Variants in METTL24 observed in about 807,000 individuals in gnomAD.
The protein encoded by METTL24 is methyltransferase like 24.
A neutral mutation model predicts 32.7 loss-of-function variants in METTL24; 29 were observed. That is an observed-to-expected ratio of 0.89 (90% CI 0.66 to 1.21). METTL24 has a LOEUF of 1.21. Among genes scored for constraint, METTL24 ranks in the 50% most tolerant of loss-of-function variants. The probability of loss-of-function intolerance (pLI) is 0.00; values close to 1 mark genes in which losing one functional copy is unlikely to be tolerated. For missense variants in METTL24, 439 were observed against 468.1 expected (o/e 0.94, Z 0.57); for synonymous variants, 163 against 179.5 (o/e 0.91, Z 0.73).
At chr6:110,296,805 T>C (rs1006537504) in intron 4 of METTL24, among the ~76,000 whole-genome samples, 2 of 152,246 alleles carry the variant, frequency 1.3e-5, no homozygotes, top group African/African-American at 2.4e-5. Flanking sequence ...GCGTGTTTTT[T>C]ACTATTTGCT....
intron 1 of METTL24, among the ~76,000 whole-genome samples, chr6:110,349,695 C>G (rs973623163): frequency 3.3e-5 from 5 of 152,140 alleles, no homozygotes; most frequent in African/African-American, 4.8e-5. Flanking sequence ...TCACTTGGGC[C>G]CCGATCACCA....
intron 4 of METTL24, among the ~76,000 whole-genome samples, chr6:110,281,617 C>G (rs1771137512): frequency 6.6e-6 from 1 of 151,590 alleles, no homozygotes; most frequent in African/African-American, 2.4e-5. Flanking sequence ...CCACTGCACT[C>G]CAGCCTGAGC....
chr6:110,286,062 G>A (rs1196128832), intron 4 of METTL24, among the ~76,000 whole-genome samples: 1 of 152,110 alleles, frequency 6.6e-6, no homozygotes, highest in Non-Finnish European at 1.5e-5. Context: ...ACTAACACGT[G>A]CTCGTTTGCT....
intron 2 of METTL24, among the ~76,000 whole-genome samples, chr6:110,317,578 C>T (rs1219006157): frequency 1.3e-5 from 2 of 152,020 alleles, no homozygotes; most frequent in Non-Finnish European, 2.9e-5. Flanking sequence ...AAGCCAGAGC[C>T]ATCTGCTTGG....
Position 110,357,962 on chromosome 6 carries a change from C to CG in METTL24, c.310dup (p.Arg104ProfsTer23). The CG allele has an allele frequency of 8.4e-7, 1 of 1,188,072 alleles. No individual in the cohort carries two copies. Among genetic ancestry groups the CG allele is most frequent in the Non-Finnish European group, 1.0e-6 (1 of 958,676 alleles). The allele number at this position is 1,188,072 out of a possible 1,614,324, so 73.6% of individuals were successfully genotyped here. On this transcript the variant is annotated frameshift_variant, in exon 1 of 5. Transcript: ENST00000338882. LOFTEE classifies it high-confidence loss of function. Reference sequence around the variant, plus strand: ...GACCGCTTTGCAACTGACCTTCCGGCGGGGGCGCCCGCGCGGGGCACAGCA... The same window carrying CG: ...GACCGCTTTGCAACTGACCTTCCGGCGGGGGGCGCCCGCGCGGGGCACAGCA...
intron 4 of METTL24, among the ~76,000 whole-genome samples, chr6:110,250,889 T>C (rs566296695): frequency 5.3e-5 from 8 of 152,308 alleles, no homozygotes; most frequent in Admixed American, 5.2e-4. Context: ...CCCCCTCCCA[T>C]TCCCTATATG....
chr6:110,295,794 A>AAAGGAAGG (rs71018387), intron 4 of METTL24, among the ~76,000 whole-genome samples: 5,901 of 136,278 alleles, frequency 0.043, 301 homozygotes, highest in African/African-American at 0.1. Flanking sequence ...AGAAAGAAAG[A>AAAGGAAGG]AAGGAAGGAA....
chr6:110,297,022 C>T (rs997771405), intron 4 of METTL24, among the ~76,000 whole-genome samples: 1 of 152,076 alleles, frequency 6.6e-6, no homozygotes, highest in Non-Finnish European at 1.5e-5. Context: ...AAAAAAATCT[C>T]TATGGAAGAA....
rs200088786 is a variant in METTL24 at position 110,299,021 on chromosome 6, G to A, written c.687C>T (p.Ser229=). ...CTGGATGGGGATCCCGCCAGTCAAT[G>A]GACAAGCGGTGATACCAAAGGTGCT... ...ESQHLWYHRL[S]IDWRDPHPAV... is the part of the protein sequence containing the mutation. Residue 229 remains serine, a synonymous_variant, in exon 4 of 5, where the codon TCC becomes TCT. Transcript: ENST00000338882. 2.3e-4 allele frequency: 366 copies of A among 1,614,074 alleles called. No homozygotes were observed. The highest frequency in any genetic ancestry group is 6.6e-4 in the Middle Eastern group (4 of 6,084).
intron 4 of METTL24, among the ~76,000 whole-genome samples, chr6:110,298,350 T>C (rs1413365841): frequency 6.6e-6 from 1 of 152,248 alleles, no homozygotes; most frequent in Admixed American, 6.5e-5. Context: ...CCATTCATAA[T>C]AAAATGTTTG....
intron 2 of METTL24, 105 bp from the exon 3 acceptor site, chr6:110,315,586 A>T: frequency 1.6e-6 from 2 of 1,239,900 alleles, no homozygotes; most frequent in Non-Finnish European, 1.1e-6. Context: ...TAGGAAAGTT[A>T]TAATCTCCTC....
chr6:110,262,946 A>T (rs1770777193), intron 4 of METTL24, among the ~76,000 whole-genome samples: 1 of 152,168 alleles, frequency 6.6e-6, no homozygotes, highest in South Asian at 2.1e-4. Context: ...CTCTCAATAA[A>T]TTAGGTATTG....
At chr6:110,282,835 C>G (rs1771162099) in intron 4 of METTL24, among the ~76,000 whole-genome samples, 1 of 152,078 alleles carries the variant, frequency 6.6e-6, no homozygotes, top group African/African-American at 2.4e-5. Flanking sequence ...TTTTTGTGGC[C>G]AGCCTCTTTC....
intron 4 of METTL24, among the ~76,000 whole-genome samples, chr6:110,274,321 G>A (rs1771007441): frequency 6.6e-6 from 1 of 152,178 alleles, no homozygotes; most frequent in African/African-American, 2.4e-5. Flanking sequence ...TTGAACTCCT[G>A]AGCTCAGGTG....
intron 1 of METTL24, among the ~76,000 whole-genome samples, chr6:110,355,727 T>C (rs1772686470): frequency 6.6e-6 from 1 of 152,160 alleles, no homozygotes; most frequent in East Asian, 1.9e-4. Flanking sequence ...GCTTTCCATC[T>C]ATCCCCCAAA....
intron 4 of METTL24, among the ~76,000 whole-genome samples, chr6:110,258,532 G>C (rs1310067746): frequency 6.6e-6 from 1 of 152,070 alleles, no homozygotes; most frequent in African/African-American, 2.4e-5. Flanking sequence ...TGGGTGGGTG[G>C]ATGAATGGAT....
At chr6:110,265,885 TTCC>T (rs762221168) in intron 4 of METTL24, among the ~76,000 whole-genome samples, 26 of 151,656 alleles carry the variant, frequency 1.7e-4, no homozygotes, top group East Asian at 1.2e-3. Flanking sequence ...CTTCTTCCTC[TTCC>T]TCCTCCTCCT....
chr6:110,342,237 T>C (rs982872072), intron 1 of METTL24, among the ~76,000 whole-genome samples: 7 of 152,216 alleles, frequency 4.6e-5, no homozygotes, highest in African/African-American at 1.7e-4. Context: ...CCTATGTTTC[T>C]AATGCAGGGC....
chr6:110,272,338 A>G (rs1770972200), intron 4 of METTL24, among the ~76,000 whole-genome samples: 1 of 152,200 alleles, frequency 6.6e-6, no homozygotes, highest in South Asian at 2.1e-4. Context: ...TCCATGGTGT[A>G]TACATACCAC....
Sources: gnomAD v4.1 joint callset for allele counts (sites outside exome capture counted in the v4.1 genomes callset) on GRCh38, gnomAD v4.1.1 for gene constraint, MANE v1.5 for transcripts, NCBI Gene and HGNC (gene_info 2026-07-23, HGNC 2026-07-21) for gene names.